The following LAMC1 variants were observed in gnomAD, a reference collection of about 807,000 sequenced individuals.
The protein encoded by LAMC1 is laminin subunit gamma 1, also known as laminin subunit gamma-1.
LAMC1 carries 38 observed loss-of-function variants against 173.6 expected under a neutral mutation model. The ratio of observed to expected loss-of-function variants is 0.22; its 90% CI spans 0.17 to 0.29. LAMC1 has a LOEUF of 0.29. LAMC1 is among the 10% of genes least tolerant of loss of function. The pLI is 1.00. For synonymous variants in LAMC1, 746 were observed against 749.1 expected (o/e 1.00, Z 0.07); for missense variants, 1,824 against 2,051.8 (o/e 0.89, Z 2.14).
chr1:183,048,963 T>A (rs1455498939), intron 1 of LAMC1, among the ~76,000 whole-genome samples: 2 of 152,216 alleles, frequency 1.3e-5, no homozygotes, highest in Non-Finnish European at 2.9e-5. Flanking sequence ...GTATATATAT[T>A]GTCTCACCAA....
chr1:183,084,177 T>TA (rs1367345597), intron 1 of LAMC1, among the ~76,000 whole-genome samples: 1 of 151,902 alleles, frequency 6.6e-6, no homozygotes, highest in African/African-American at 2.4e-5. Flanking sequence ...CTGTCTCTAG[T>TA]AAAAAATACA....
At chr1:183,084,491 C>T (rs898329926) in intron 1 of LAMC1, among the ~76,000 whole-genome samples, 4 of 152,250 alleles carry the variant, frequency 2.6e-5, no homozygotes, top group African/African-American at 4.8e-5. Flanking sequence ...CTTTAGATTA[C>T]ATATCCCAAA....
At chr1:183,074,981 A>G (rs1273780342) in intron 1 of LAMC1, among the ~76,000 whole-genome samples, 1 of 152,176 alleles carries the variant, frequency 6.6e-6, no homozygotes, top group East Asian at 1.9e-4. Flanking sequence ...GACTAAAAGA[A>G]TTATACTGAA....
intron 4 of LAMC1, 86 bp from the exon 5 acceptor site, chr1:183,114,445 T>G: frequency 7.7e-7 from 1 of 1,298,124 alleles, no homozygotes; most frequent in Non-Finnish European, 1.1e-6. Flanking sequence ...CTCAGAGATG[T>G]GGGAAATTAT....
chr1:183,135,733 T>G (rs1421649036), intron 24 of LAMC1, among the ~76,000 whole-genome samples: 2 of 151,888 alleles, frequency 1.3e-5, no homozygotes, highest in Non-Finnish European at 2.9e-5. Flanking sequence ...AAAAATTTTT[T>G]TTTTAATTAG....
In LAMC1 at chr1:183,103,592, G is replaced by T; in HGVS notation, c.683G>T (p.Arg228Met). 6.3e-7 allele frequency: 1 copy of T among 1,595,220 alleles called. No homozygotes were observed. The highest frequency in any genetic ancestry group is 8.5e-7 in the Non-Finnish European group (1 of 1,171,358). The change falls in exon 2 of 28, where the codon AGG becomes ATG. Residue 228 changes from arginine (R) to methionine (M), a missense_variant. Physicochemically the swap from Arg to Met is moderately conservative, Grantham distance 91. Coordinates refer to ENST00000258341, the MANE Select transcript of LAMC1 (RefSeq NM_002293.4). The stretch of plus-strand genomic sequence containing the variant: ...GTGGCCTTTTCTACCCTGGAAGGAA[G>T]GCCCAGCGCCTATAACTTTGACAAT... ...GNVAFSTLEG[R>M]PSAYNFDNSP...
Position 183,108,316 on chromosome 1 carries a change from G to T in LAMC1, c.764G>T (p.Arg255Leu), listed in dbSNP as rs1656047679. Residue 255 changes from arginine (R) to leucine (L), a missense_variant, in exon 3 of 28, where the codon CGC (arginine) becomes CTC (leucine). Arg to Leu is a moderately radical substitution (Grantham distance 102). Coordinates refer to ENST00000258341, the MANE Select transcript of LAMC1 (RefSeq NM_002293.4). ...TATDIRVTLN[R>L]LNTFGDEVFN... is the part of the protein sequence containing the mutation. ...ACTGACATCAGAGTAACTCTTAATC[G>T]CCTGAACACTTTTGGAGATGAAGTG... is the stretch of plus-strand genomic sequence containing the variant. The T allele has an allele frequency of 6.2e-7, 1 of 1,613,092 alleles. No individual in the cohort carries two copies.
At chr1:183,112,436 G>A (rs546094492) in intron 4 of LAMC1, among the ~76,000 whole-genome samples, 1 of 152,216 alleles carries the variant, frequency 6.6e-6, no homozygotes, top group South Asian at 2.1e-4. Flanking sequence ...AATGAACTGA[G>A]TACTGTAGCT....
intron 1 of LAMC1, among the ~76,000 whole-genome samples, chr1:183,058,081 T>C (rs3934578): frequency 0.5 from 76,054 of 151,684 alleles, 19,698 homozygotes; most frequent in South Asian, 0.64. Context: ...GAGGTTCTCT[T>C]TCATATTTAT....
intron 1 of LAMC1, among the ~76,000 whole-genome samples, chr1:183,100,488 G>T (rs1453306344): frequency 6.6e-6 from 1 of 152,140 alleles, no homozygotes; most frequent in Non-Finnish European, 1.5e-5. Flanking sequence ...TTCCTATGGT[G>T]ATCACTCCTC....
chr1:183,055,205 G>T (rs950475165), intron 1 of LAMC1, among the ~76,000 whole-genome samples: 13 of 151,514 alleles, frequency 8.6e-5, no homozygotes, highest in Non-Finnish European at 1.8e-4. Context: ...GGCCAGGCTG[G>T]TCTCGAACTC....
intron 1 of LAMC1, among the ~76,000 whole-genome samples, chr1:183,025,774 G>A (rs1325217226): frequency 6.6e-6 from 1 of 152,212 alleles, no homozygotes; most frequent in Non-Finnish European, 1.5e-5. Flanking sequence ...GTTGCCTGAT[G>A]TCTGAAATCT....
intron 1 of LAMC1, among the ~76,000 whole-genome samples, chr1:183,036,096 CTTT>C (rs35129932): frequency 0.35 from 48,344 of 137,180 alleles, 8,903 homozygotes; most frequent in Middle Eastern, 0.5. Flanking sequence ...TGAATGAATT[CTTT>C]TTTTTTTTTT....
intron 1 of LAMC1, among the ~76,000 whole-genome samples, chr1:183,098,042 G>T (rs1241805526): frequency 6.6e-6 from 1 of 152,096 alleles, no homozygotes; most frequent in Non-Finnish European, 1.5e-5. Context: ...TAATCATTTG[G>T]CTTGGCTACT....
In LAMC1 at chr1:183,122,195, C is replaced by T. The variant is rs773476604; in HGVS notation, c.2345C>T (p.Ala782Val). Residue 782 changes from alanine to valine, a missense_variant, in exon 13 of 28, where the codon GCT becomes GTT. Transcript: ENST00000258341. ...PCPCPGGSSC[A>V]VVPKTKEVVC... ...CCGTGTCCTGGAGGTTCAAGTTGTG[C>T]TGTTGTTCCCAAGACAAAGGAGGTG... 1 of 1,614,184 alleles carries T rather than the reference C, an allele frequency of 6.2e-7. No individual in the cohort carries two copies. The highest frequency in any genetic ancestry group is 8.5e-7 in the Non-Finnish European group (1 of 1,180,018).
intron 1 of LAMC1, among the ~76,000 whole-genome samples, chr1:183,054,208 A>G (rs530709437): frequency 9.2e-5 from 14 of 152,300 alleles, no homozygotes; most frequent in Admixed American, 3.3e-4. Context: ...TGTGCTATGC[A>G]TGGTGTTGAG....
intron 1 of LAMC1, among the ~76,000 whole-genome samples, chr1:183,088,280 TGAG>T (rs1655483273): frequency 1.3e-5 from 2 of 152,266 alleles, no homozygotes; most frequent in Non-Finnish European, 2.9e-5. Flanking sequence ...GTTTGGTAGA[TGAG>T]TCAGTCTACT....
intron 1 of LAMC1, among the ~76,000 whole-genome samples, chr1:183,051,248 C>T (rs543885108): frequency 2.0e-4 from 30 of 152,302 alleles, no homozygotes; most frequent in Non-Finnish European, 3.4e-4. Context: ...TAGGCTTAGC[C>T]TTTGAGAGGA....
intron 1 of LAMC1, among the ~76,000 whole-genome samples, chr1:183,080,667 G>T (rs145878089): frequency 9.9e-5 from 15 of 152,050 alleles, no homozygotes; most frequent in African/African-American, 3.6e-4. Flanking sequence ...TCCATACTCA[G>T]TAGCTAGTTA....
Sources: allele counts gnomAD v4.1 joint callset (sites outside exome capture counted in the v4.1 genomes callset), GRCh38; gene constraint gnomAD v4.1.1; transcripts MANE v1.5; gene names NCBI Gene and HGNC (gene_info 2026-07-23, HGNC 2026-07-21).